The following SYNE1 variants were observed in gnomAD, a reference collection of about 807,000 sequenced individuals.
SYNE1 encodes the protein nesprin-1.
Under a neutral mutation model 1,111.0 loss-of-function variants are expected in SYNE1, and 616 were observed. The observed-to-expected ratio is 0.55, with a 90% confidence interval of 0.52 to 0.59. The LOEUF is 0.59. Ranked by LOEUF, SYNE1 falls within the 20% of genes least tolerant of loss-of-function variation. The pLI is 0.00. For missense variants in SYNE1, 10,006 were observed against 10,417.0 expected, an observed-to-expected ratio of 0.96 and a Z score of 1.72; for synonymous variants, 3,855 against 3,825.8, an observed-to-expected ratio of 1.01 and a Z score of -0.28.
In SYNE1 at chr6:152,458,993, G is replaced by T. The variant is rs1259069208; in HGVS notation, c.2395-63C>A. 4 of 1,421,476 alleles carry T rather than the reference G, an allele frequency of 2.8e-6. No individual in the cohort carries two copies. In the South Asian group the frequency reaches 3.5e-5, roughly 12 times the overall value. The allele number at this position is 1,421,476 out of a possible 1,614,324, so 88.1% of individuals were successfully genotyped here. On this transcript the variant is annotated intron_variant, in intron 21 of 145. Coordinates refer to ENST00000367255, the MANE Select transcript of SYNE1 (RefSeq NM_182961.4). ...ATTAAGTGCCACTAGCTCAGGGAAC[G>T]TTCATAGCTCTGAGGAACATTTTCT...
intron 2 of SYNE1, among the ~76,000 whole-genome samples, chr6:152,631,015 G>A (rs751024273): frequency 4.6e-5 from 7 of 152,150 alleles, no homozygotes; most frequent in African/African-American, 7.2e-5. Flanking sequence ...CTCAATGCTG[G>A]GATTACTAAG....
chr6:152,406,374 A>G (rs2097901094), intron 45 of SYNE1, among the ~76,000 whole-genome samples: 1 of 152,002 alleles, frequency 6.6e-6, no homozygotes, highest in African/African-American at 2.4e-5. Context: ...AACACTTCCA[A>G]TTTGGTTTTG....
At chr6:152,267,076 T>A (rs541790957) in intron 100 of SYNE1, among the ~76,000 whole-genome samples, 1 of 152,316 alleles carries the variant, frequency 6.6e-6, no homozygotes, top group South Asian at 2.1e-4. Context: ...TATATATGTA[T>A]AAAATTTTCT....
At chr6:152,325,881 A>C in intron 80 of SYNE1, 77 bp downstream of exon 80, 1 of 1,551,516 alleles carries the variant, frequency 6.4e-7, no homozygotes. Context: ...GTAGAAATGA[A>C]GATTTATTGA....
chr6:152,244,750 C>T (rs1176710005), intron 105 of SYNE1, 94 bp from the exon 106 acceptor site: 1 of 1,497,472 alleles, frequency 6.7e-7, no homozygotes, highest in Non-Finnish European at 9.3e-7. Context: ...TTCCTCCTCT[C>T]CATGTAAAAC....
chr6:152,292,717 A>G (rs1180327525), intron 95 of SYNE1, among the ~76,000 whole-genome samples: 1 of 152,232 alleles, frequency 6.6e-6, no homozygotes, highest in African/African-American at 2.4e-5. Context: ...AAACATGCTT[A>G]CCATGCCATG....
chr6:152,313,203 A>G (rs919681076), intron 87 of SYNE1, among the ~76,000 whole-genome samples: 3 of 152,218 alleles, frequency 2.0e-5, no homozygotes, highest in African/African-American at 7.2e-5. Flanking sequence ...TATAGATCCA[A>G]GAATGCTTTT....
At chr6:152,234,347 T>C (rs1227008123) in intron 111 of SYNE1, among the ~76,000 whole-genome samples, 1 of 152,126 alleles carries the variant, frequency 6.6e-6, no homozygotes, top group Non-Finnish European at 1.5e-5. Flanking sequence ...CAGGCTGGAG[T>C]GCAGTGGCAC....
Position 152,580,082 on chromosome 6 carries a change from A to T in SYNE1, c.68-40061T>A, listed in dbSNP as rs201065130. On this transcript the variant is annotated intron_variant, in intron 3 of 145. Coordinates refer to ENST00000367255, the MANE Select transcript of SYNE1 (RefSeq NM_182961.4). ...AATTCTGCTTTAAGTTGTTGGAGAA[A>T]TCTCCAAACTGCTTTCCACAGTGGC... Among the ~76,000 whole-genome samples the T allele has an allele frequency of 3.7e-4, 56 of 152,258 alleles. No individual in the cohort carries two copies. In the East Asian group the frequency reaches 8.1e-3, roughly 22 times the overall value.
At chr6:152,328,065 C>G (rs1192997563) in intron 78 of SYNE1, among the ~76,000 whole-genome samples, 1 of 152,134 alleles carries the variant, frequency 6.6e-6, no homozygotes, top group African/African-American at 2.4e-5. Context: ...TAAGATTCAT[C>G]TGAGGTTACT....
chr6:152,234,534 C>A, intron 111 of SYNE1, 134 bp downstream of exon 111: 1 of 1,003,994 alleles, frequency 1.0e-6, no homozygotes, highest in Non-Finnish European at 1.6e-6. Context: ...ACCTCGTGAT[C>A]TGACTGCTTG....
chr6:152,254,652 A>G (rs928340675), intron 104 of SYNE1, among the ~76,000 whole-genome samples: 1 of 152,200 alleles, frequency 6.6e-6, no homozygotes, highest in African/African-American at 2.4e-5. Context: ...ATTGAATTCT[A>G]TTCAGTCCTT....
At position 152,301,913 on chromosome 6, in the gene SYNE1, C is replaced by A. The variant is rs778606430; in HGVS notation, c.17497G>T (p.Gly5833Trp). 1 of 1,614,110 alleles carries A rather than the reference C, an allele frequency of 6.2e-7. No individual in the cohort carries two copies. The highest frequency in any genetic ancestry group is 8.5e-7 in the Non-Finnish European group (1 of 1,180,008). The change falls in exon 92 of 146, where the codon GGG becomes TGG. Residue 5833 changes from glycine (G) to tryptophan (W), a missense_variant. Physicochemically the swap from Gly to Trp is radical, Grantham distance 184 (BLOSUM62 -2). Coordinates refer to ENST00000367255, the MANE Select transcript of SYNE1 (RefSeq NM_182961.4). The stretch of plus-strand genomic sequence containing the variant: ...GCCGAAGGCGTGGGGAGGAGCTCCC[C>A]ATCCAGGTCCTCTGTCCCTTCCGCC... ...GLAEGTEDLD[G>W]ELLPTPSAHP...
chr6:152,266,534 A>T (rs2153667338), intron 100 of SYNE1, among the ~76,000 whole-genome samples: 1 of 152,344 alleles, frequency 6.6e-6, no homozygotes, highest in African/African-American at 2.4e-5. Context: ...TTTAAGCATG[A>T]TACACAACAG....
At chr6:152,220,711 G>A (rs1048191303) in intron 119 of SYNE1, 131 bp downstream of exon 119, 1 of 832,682 alleles carries the variant, frequency 1.2e-6, no homozygotes, top group Admixed American at 1.8e-5. Context: ...CAGGCTCTTT[G>A]ATCCTAAGAC....
At chr6:152,250,952 T>C (rs2089009676) in intron 104 of SYNE1, among the ~76,000 whole-genome samples, 1 of 152,112 alleles carries the variant, frequency 6.6e-6, no homozygotes, top group African/African-American at 2.4e-5. Flanking sequence ...TTTTATGCTT[T>C]GTTTTGTTTT....
chr6:152,620,525 T>G (rs1167961349), intron 3 of SYNE1, among the ~76,000 whole-genome samples: 2 of 152,202 alleles, frequency 1.3e-5, no homozygotes, highest in Non-Finnish European at 2.9e-5. Context: ...TCCTCCTCAA[T>G]GCTGTTCCAC....
intron 38 of SYNE1, among the ~76,000 whole-genome samples, chr6:152,426,263 C>G (rs917562807): frequency 5.3e-5 from 8 of 152,246 alleles, no homozygotes; most frequent in African/African-American, 1.9e-4. Flanking sequence ...TGTCAAAATG[C>G]TCTCCTTCCC....
rs2095781749 is a variant in SYNE1 at position 152,318,119 on chromosome 6, T to C, written c.16534A>G (p.Ile5512Val). Residue 5512 changes from isoleucine to valine, a missense_variant, in exon 86 of 146, where the codon ATT becomes GTT. Around this residue, in one of 7 missense-constraint regions of SYNE1, gnomAD observed 4,955 missense variants for 5,017.2 expected, o/e 0.99. Transcript: ENST00000367255. ...GKLTELHQQT[I>V]RQAENRLSKL... is the part of the protein sequence containing the mutation. ...GAGAGCCGATTCTCAGCTTGTCTAA[T>C]GGTCTGCTGGTGAAGTTCAGTCAGT... 7 of 1,614,244 alleles carry C rather than the reference T, an allele frequency of 4.3e-6. No homozygotes were observed. The highest frequency in any genetic ancestry group is 5.9e-6 in the Non-Finnish European group (7 of 1,180,054).
Sources: allele counts gnomAD v4.1 joint callset (sites outside exome capture counted in the v4.1 genomes callset), GRCh38; gene constraint gnomAD v4.1.1; regional missense constraint gnomAD v4.1.1; transcripts MANE v1.5; gene names NCBI Gene and HGNC (gene_info 2026-07-23, HGNC 2026-07-21).